Variants in SETBP1 observed in about 807,000 individuals in gnomAD.
The protein encoded by SETBP1 is SET-binding protein.
In SETBP1, 9 loss-of-function variants were observed where a neutral mutation model predicts 101.0. That is an observed-to-expected ratio of 0.09 (90% CI 0.05 to 0.16). SETBP1 has a LOEUF of 0.16. Among genes scored for constraint, SETBP1 ranks in the 10% least tolerant of loss-of-function variants. SETBP1 has a pLI of 1.00. For missense variants in SETBP1, 1,858 were observed against 2,033.8 expected (o/e 0.91, Z 1.66); for synonymous variants, 818 against 788.5 (o/e 1.04, Z -0.63).
intron 4 of SETBP1, among the ~76,000 whole-genome samples, chr18:45,015,121 G>C (rs1254814853): frequency 6.6e-6 from 1 of 152,158 alleles, no homozygotes. Context: ...GGGGTCCAAG[G>C]CACAGTGAGT....
chr18:44,750,050 G>A (rs1006436337), intron 2 of SETBP1, among the ~76,000 whole-genome samples: 1 of 152,220 alleles, frequency 6.6e-6, no homozygotes, highest in African/African-American at 2.4e-5. Flanking sequence ...GAAGGCAAGA[G>A]GGAGGTGTGA....
At chr18:44,894,175 G>C (rs2069837703) in intron 3 of SETBP1, among the ~76,000 whole-genome samples, 1 of 152,130 alleles carries the variant, frequency 6.6e-6, no homozygotes. Flanking sequence ...CCTCAAGCAG[G>C]TCACTTCCCC....
chr18:44,686,984 A>G (rs1031993986), intron 1 of SETBP1, among the ~76,000 whole-genome samples: 1 of 152,116 alleles, frequency 6.6e-6, no homozygotes, highest in African/African-American at 2.4e-5. Flanking sequence ...GAAAATTCCA[A>G]TTGTATTTTT....
At position 44,736,821 on chromosome 18, in the gene SETBP1, G is replaced by A. The variant is rs566077913; in HGVS notation, c.486+34989G>A. On this transcript the variant is annotated intron_variant, in intron 2 of 5. Coordinates refer to ENST00000649279, the MANE Select transcript of SETBP1 (RefSeq NM_015559.3). ...GTTTGCATGACTTTGCAGTTCTTTG[G>A]AAAAGAGGTATTGCTGGAAAGGGAG... 7.2e-5 allele frequency among the ~76,000 whole-genome samples: 11 copies of A among 152,254 alleles called. No individual in the cohort carries two copies. The South Asian group carries it at 2.3e-3, about 32-fold the overall frequency.
At chr18:44,974,356 C>G (rs1247224682) in intron 4 of SETBP1, among the ~76,000 whole-genome samples, 1 of 152,084 alleles carries the variant, frequency 6.6e-6, no homozygotes, top group African/African-American at 2.4e-5. Context: ...GATTCCGAAG[C>G]TCAAAACCAA....
chr18:45,059,455 C>T (rs963115274), intron 5 of SETBP1, among the ~76,000 whole-genome samples: 3 of 152,076 alleles, frequency 2.0e-5, no homozygotes, highest in Non-Finnish European at 2.9e-5. Context: ...AAATAAGGTC[C>T]TTTATCTCTT....
chr18:44,834,537 G>T (rs1391653218), intron 2 of SETBP1, among the ~76,000 whole-genome samples: 1 of 152,146 alleles, frequency 6.6e-6, no homozygotes, highest in Non-Finnish European at 1.5e-5. Context: ...GAGATGATTT[G>T]TGGCCCCCGG....
At chr18:45,029,940 A>C (rs1321194806) in intron 4 of SETBP1, among the ~76,000 whole-genome samples, 1 of 151,070 alleles carries the variant, frequency 6.6e-6, no homozygotes, top group Non-Finnish European at 1.5e-5. Context: ...TAGATATACA[A>C]TCATGTCATC....
intron 3 of SETBP1, among the ~76,000 whole-genome samples, chr18:44,909,272 C>T (rs2070247338): frequency 6.6e-6 from 1 of 152,158 alleles, no homozygotes; most frequent in African/African-American, 2.4e-5. Flanking sequence ...ATCTGGAGGG[C>T]AAGGCCGAGG....
intron 2 of SETBP1, among the ~76,000 whole-genome samples, chr18:44,749,629 T>A (rs2144526600): frequency 6.6e-6 from 1 of 152,312 alleles, no homozygotes; most frequent in South Asian, 2.1e-4. Flanking sequence ...GGTCCTTTTT[T>A]AAAAGAGCTT....
chr18:45,028,905 A>C (rs1000261818), intron 4 of SETBP1, among the ~76,000 whole-genome samples: 23 of 152,004 alleles, frequency 1.5e-4, no homozygotes, highest in Admixed American at 2.0e-4. Context: ...TAGATTCTGG[A>C]TATTAGCCCT....
At chr18:44,684,969 G>A (rs1353329983) in intron 1 of SETBP1, among the ~76,000 whole-genome samples, 2 of 152,092 alleles carry the variant, frequency 1.3e-5, no homozygotes, top group Non-Finnish European at 2.9e-5. Context: ...TTTTTTAATG[G>A]CCGTTAGCTT....
chr18:44,956,869 T>G (rs2071495210), intron 4 of SETBP1, among the ~76,000 whole-genome samples: 1 of 152,232 alleles, frequency 6.6e-6, no homozygotes, highest in Non-Finnish European at 1.5e-5. Context: ...ATGGTTGCAT[T>G]GTCTTGTTAG....
chr18:44,963,485 G>C (rs1200493320), intron 4 of SETBP1, among the ~76,000 whole-genome samples: 1 of 152,118 alleles, frequency 6.6e-6, no homozygotes, highest in Non-Finnish European at 1.5e-5. Context: ...ATTCTTATTT[G>C]CTAAATTACA....
intron 4 of SETBP1, among the ~76,000 whole-genome samples, chr18:44,972,618 A>G (rs2071892055): frequency 6.6e-6 from 1 of 152,048 alleles, no homozygotes; most frequent in Non-Finnish European, 1.5e-5. Context: ...ATTCCTAGGT[A>G]TTTTATTCTC....
At position 44,876,688 on chromosome 18, in the gene SETBP1, G is replaced by T. The variant is rs663651; in HGVS notation, c.540+7405G>T. 2.6e-6 allele frequency: 4 copies of T among 1,550,398 alleles called. No homozygotes were observed. In the East Asian group the frequency reaches 9.8e-5, roughly 38 times the overall value. On this transcript the variant is annotated intron_variant, in intron 3 of 5. Coordinates refer to ENST00000649279, the MANE Select transcript of SETBP1 (RefSeq NM_015559.3). ...CTCATGCCCCCGGAACCCATTCCCC[G>T]CAAAACCCGGTTCTCTCACTCTTCC... is the stretch of plus-strand genomic sequence containing the variant.
At chr18:44,812,802 C>G (rs947655541) in intron 2 of SETBP1, among the ~76,000 whole-genome samples, 2 of 152,294 alleles carry the variant, frequency 1.3e-5, no homozygotes, top group Admixed American at 1.3e-4. Flanking sequence ...GCAGCATTTT[C>G]TTTGCATTTA....
At chr18:44,723,480 A>G (rs1432806341) in intron 2 of SETBP1, among the ~76,000 whole-genome samples, 1 of 152,226 alleles carries the variant, frequency 6.6e-6, no homozygotes, top group Non-Finnish European at 1.5e-5. Flanking sequence ...TCAAGATCAC[A>G]TGGCAATCAG....
chr18:44,819,032 G>A (rs145442038), intron 2 of SETBP1, among the ~76,000 whole-genome samples: 2 of 151,478 alleles, frequency 1.3e-5, no homozygotes, highest in African/African-American at 4.9e-5. Flanking sequence ...TTACTTTAAT[G>A]GTTTACTATT....
Sources: gnomAD v4.1 joint callset for allele counts (sites outside exome capture counted in the v4.1 genomes callset) on GRCh38, gnomAD v4.1.1 for gene constraint, MANE v1.5 for transcripts, NCBI Gene and HGNC (gene_info 2026-07-23, HGNC 2026-07-21) for gene names.